The following SLC12A2 variants were observed in gnomAD, a reference collection of about 807,000 sequenced individuals.
SLC12A2 encodes Na-K-2Cl cotransporter 1.
A neutral mutation model predicts 136.3 loss-of-function variants in SLC12A2; 67 were observed. The ratio of observed to expected loss-of-function variants is 0.49; its 90% CI spans 0.40 to 0.60. The LOEUF (loss-of-function observed/expected upper bound fraction) is 0.60, where lower values mean the gene tolerates loss of function less well. SLC12A2 is among the 20% of genes least tolerant of loss of function. SLC12A2 has a pLI of 0.00. For synonymous variants in SLC12A2, 619 were observed against 562.9 expected, an observed-to-expected ratio of 1.10 and a Z score of -1.41; for missense variants, 1,322 against 1,534.7, an observed-to-expected ratio of 0.86 and a Z score of 2.32.
rs1375624469 is a variant in SLC12A2, at chr5:128,147,618, TA to T, written c.1774-2del. The T allele has an allele frequency of 2.5e-6, 4 of 1,574,082 alleles. No individual in the cohort carries two copies. The highest frequency in any genetic ancestry group is 3.5e-6 in the Non-Finnish European group (4 of 1,147,060). ...TTTTTCCATTTTTGTCACTTTTATTTAAGGTAATGAGTATGGTGTCAGGATT... is the reference window on the plus strand; with the variant it reads ...TTTTTCCATTTTTGTCACTTTTATTTAGGTAATGAGTATGGTGTCAGGATT... On this transcript the variant is annotated splice_region_variant and splice_polypyrimidine_tract_variant and intron_variant, in intron 10 of 26. Transcript: ENST00000262461.
At chr5:128,126,183 G>C (rs1195308449) in intron 4 of SLC12A2, among the ~76,000 whole-genome samples, 1 of 151,980 alleles carries the variant, frequency 6.6e-6, no homozygotes, top group Non-Finnish European at 1.5e-5. Flanking sequence ...CCAAAAAATT[G>C]GATTAACAAC....
rs779732849 is a variant in SLC12A2 at position 128,148,869 on chromosome 5, T to C, written c.1997T>C (p.Ile666Thr). 6.3e-7 allele frequency: 1 copy of C among 1,596,716 alleles called. No individual in the cohort carries two copies. Among genetic ancestry groups the C allele is most frequent in the South Asian group, 1.1e-5 (1 of 87,440 alleles). ...ILTFLIALGFILIAELNVIAP... is the reference protein window; with the variant it reads ...ILTFLIALGFTLIAELNVIAP... The stretch of plus-strand genomic sequence containing the variant: ...ACATTCTTAATTGCACTTGGATTCA[T>C]CTTAATTGGTTAGTTATATAAATGG... Residue 666 changes from isoleucine (I) to threonine (T), a missense_variant, in exon 12 of 27, where the codon ATC becomes ACC. Ile to Thr is a moderately conservative substitution (Grantham distance 89, BLOSUM62 -1). Around this residue, in one of 8 missense-constraint regions of SLC12A2, gnomAD observed 294 missense variants for 436.6 expected, o/e 0.67. Transcript: ENST00000262461.
chr5:128,111,152 T>A (rs1044283122), intron 1 of SLC12A2, among the ~76,000 whole-genome samples: 16 of 152,374 alleles, frequency 1.1e-4, no homozygotes, highest in Middle Eastern at 3.4e-3. Flanking sequence ...CTCATGACTG[T>A]ACTTTACATT....
chr5:128,160,711 T>G (rs149612696), intron 16 of SLC12A2, among the ~76,000 whole-genome samples: 2 of 152,298 alleles, frequency 1.3e-5, no homozygotes, highest in East Asian at 3.9e-4. Context: ...TAGGGGTATT[T>G]GTTGGATCAG....
At chr5:128,109,513 T>C (rs970480435) in intron 1 of SLC12A2, 1 of 611,370 alleles carries the variant, frequency 1.6e-6, no homozygotes, top group Non-Finnish European at 3.0e-6. Flanking sequence ...GCTTTATTGC[T>C]TCTTTCTGGG....
At position 128,109,682 on chromosome 5, in the gene SLC12A2, G is replaced by A. The variant is rs554806724; in HGVS notation, c.757-3132G>A. ...GAATAGCTTCACATCTTCTCCAGGC[G>A]AAAAAGTCTTCCAGGTGAAAGTCCC... On this transcript the variant is annotated intron_variant, in intron 1 of 26. Transcript: ENST00000262461. The A allele has an allele frequency of 3.4e-4, 364 of 1,084,358 alleles. 3 individuals are homozygous for A. Among genetic ancestry groups the A allele is most frequent in the Middle Eastern group, 2.1e-3 (10 of 4,710 alleles). 67.2% of individuals were successfully genotyped at this position (1,084,358 alleles called of 1,614,324 possible).
chr5:128,145,972 A>G (rs1387045099), intron 10 of SLC12A2, among the ~76,000 whole-genome samples: 1 of 152,008 alleles, frequency 6.6e-6, no homozygotes, highest in African/African-American at 2.4e-5. Flanking sequence ...ACAGCTGTTC[A>G]AGTTGACAAT....
At chr5:128,173,548 T>A in intron 19 of SLC12A2, among the ~76,000 whole-genome samples, 1 of 152,218 alleles carries the variant, frequency 6.6e-6, no homozygotes, top group Non-Finnish European at 1.5e-5. Context: ...ATTAAGAGCA[T>A]AGGCATTGGA....
chr5:128,092,408 T>C (rs1760365472), intron 1 of SLC12A2, among the ~76,000 whole-genome samples: 1 of 152,210 alleles, frequency 6.6e-6, no homozygotes, highest in African/African-American at 2.4e-5. Context: ...ACAGAGCATG[T>C]CTGGACTGAG....
intron 22 of SLC12A2, among the ~76,000 whole-genome samples, chr5:128,180,024 C>T (rs1338819712): frequency 8.7e-6 from 1 of 115,488 alleles, no homozygotes; most frequent in Non-Finnish European, 1.6e-5. Flanking sequence ...GGCTGGAGTA[C>T]AGTGGCGCAA....
At chr5:128,108,593 C>T (rs1190455786) in intron 1 of SLC12A2, among the ~76,000 whole-genome samples, 1 of 151,916 alleles carries the variant, frequency 6.6e-6, no homozygotes, top group Admixed American at 6.6e-5. Context: ...TCAGAATAGG[C>T]AAATTCATAG....
chr5:128,180,226 T>G lies in SLC12A2; in HGVS notation c.3101-657T>G, dbSNP rs371791701. On this transcript the variant is annotated intron_variant, in intron 22 of 26. Transcript: ENST00000262461. The stretch of plus-strand genomic sequence containing the variant: ...ACCTCGTGATCCACCCACCTCGGCC[T>G]CCCAAAGTGCTGGGATTACAGGTGT... 2.0e-5 allele frequency among the ~76,000 whole-genome samples: 3 copies of G among 152,154 alleles called. No homozygotes were observed. In the East Asian group the frequency reaches 5.8e-4, roughly 29 times the overall value.
intron 17 of SLC12A2, among the ~76,000 whole-genome samples, chr5:128,162,111 T>C (rs1763059480): frequency 6.6e-6 from 1 of 152,160 alleles, no homozygotes; most frequent in African/African-American, 2.4e-5. Context: ...GAGTATTGTC[T>C]TCTGATCCGT....
chr5:128,111,178 TAAA>T (rs1348983911), intron 1 of SLC12A2, among the ~76,000 whole-genome samples: 3 of 152,224 alleles, frequency 2.0e-5, no homozygotes, highest in Non-Finnish European at 4.4e-5. Context: ...AATTTTATAA[TAAA>T]ACTACCTTTA....
intron 1 of SLC12A2, among the ~76,000 whole-genome samples, chr5:128,108,059 T>C (rs548404245): frequency 1.3e-5 from 2 of 152,132 alleles, no homozygotes; most frequent in African/African-American, 2.4e-5. Flanking sequence ...TTCATATGTT[T>C]GTTGGCTGGT....
chr5:128,123,451 A>G (rs947520450), intron 4 of SLC12A2, among the ~76,000 whole-genome samples: 1 of 152,144 alleles, frequency 6.6e-6, no homozygotes, highest in African/African-American at 2.4e-5. Flanking sequence ...ATTCCAACCA[A>G]CAGTGAGTTT....
At chr5:128,132,248 T>C (rs1228722570) in intron 5 of SLC12A2, among the ~76,000 whole-genome samples, 1 of 151,894 alleles carries the variant, frequency 6.6e-6, no homozygotes, top group Non-Finnish European at 1.5e-5. Context: ...ATTTAGAAGG[T>C]TGTAGGTGTC....
intron 4 of SLC12A2, among the ~76,000 whole-genome samples, chr5:128,117,764 A>G (rs994733771): frequency 2.4e-4 from 36 of 152,212 alleles, no homozygotes; most frequent in African/African-American, 8.7e-4. Flanking sequence ...AAAAGAAATA[A>G]TCAGCCAGAG....
intron 1 of SLC12A2, among the ~76,000 whole-genome samples, chr5:128,092,921 C>T (rs750471957): frequency 1.3e-5 from 2 of 152,108 alleles, no homozygotes; most frequent in East Asian, 1.9e-4. Context: ...ACAGAAAAAG[C>T]GGAATATTTT....
Sources: allele counts gnomAD v4.1 joint callset (sites outside exome capture counted in the v4.1 genomes callset), GRCh38; gene constraint gnomAD v4.1.1; regional missense constraint gnomAD v4.1.1; transcripts MANE v1.5; gene names NCBI Gene and HGNC (gene_info 2026-07-23, HGNC 2026-07-21).